The following GNAZ variants were observed in gnomAD, a reference collection of about 807,000 sequenced individuals.
GNAZ encodes guanine nucleotide-binding protein G(z) subunit alpha.
GNAZ carries 3 observed loss-of-function variants against 25.4 expected under a neutral mutation model. That is an observed-to-expected ratio of 0.12 (90% CI 0.05 to 0.30). The LOEUF is 0.30. Among genes scored for constraint, GNAZ ranks in the 10% least tolerant of loss-of-function variants. GNAZ has a pLI of 1.00. For synonymous variants in GNAZ, 211 were observed against 205.7 expected (o/e 1.03, Z -0.22); for missense variants, 241 against 501.8 (o/e 0.48, Z 4.97).
chr22:23,076,430 C>G (rs762087592), intron 1 of GNAZ, among the ~76,000 whole-genome samples: 1 of 152,156 alleles, frequency 6.6e-6, no homozygotes. Context: ...TGTGCTCGTG[C>G]GCTGCAGAAC....
At chr22:23,086,959 T>C (rs768629789) in intron 1 of GNAZ, among the ~76,000 whole-genome samples, 3 of 151,960 alleles carry the variant, frequency 2.0e-5, no homozygotes, top group East Asian at 1.9e-4. Flanking sequence ...GGACAGGGAG[T>C]GTGCAGCTTG....
intron 2 of GNAZ, among the ~76,000 whole-genome samples, chr22:23,111,041 A>T (rs2146361959): frequency 6.6e-6 from 1 of 152,292 alleles, no homozygotes; most frequent in East Asian, 1.9e-4. Flanking sequence ...GTAGGATAGC[A>T]CTGGGATTCC....
At chr22:23,085,349 A>G (rs931450339) in intron 1 of GNAZ, among the ~76,000 whole-genome samples, 42 of 151,908 alleles carry the variant, frequency 2.8e-4, no homozygotes, top group African/African-American at 9.9e-4. Flanking sequence ...CTTGTTCCCC[A>G]CCATGTCCCC....
At chr22:23,086,333 C>T (rs946354462) in intron 1 of GNAZ, among the ~76,000 whole-genome samples, 4 of 152,202 alleles carry the variant, frequency 2.6e-5, no homozygotes, top group Admixed American at 6.5e-5. Flanking sequence ...TTGATTTCTA[C>T]AGCCGTAAAG....
intron 1 of GNAZ, among the ~76,000 whole-genome samples, chr22:23,093,078 C>A (rs1378881021): frequency 6.6e-6 from 1 of 152,254 alleles, no homozygotes; most frequent in Admixed American, 6.5e-5. Context: ...CTCCATCCTC[C>A]ATGCGCTCAT....
intron 2 of GNAZ, among the ~76,000 whole-genome samples, chr22:23,116,046 C>T (rs995530957): frequency 7.9e-5 from 12 of 152,376 alleles, no homozygotes; most frequent in Admixed American, 2.0e-4. Flanking sequence ...CCACAGCAAA[C>T]AACAAAACAG....
intron 1 of GNAZ, among the ~76,000 whole-genome samples, chr22:23,089,326 G>C (rs1008570950): frequency 3.3e-5 from 5 of 152,184 alleles, no homozygotes; most frequent in Non-Finnish European, 7.4e-5. Flanking sequence ...AGGAGGCCTT[G>C]AGCAAAGCTT....
At chr22:23,089,059 C>A (rs866997310) in intron 1 of GNAZ, among the ~76,000 whole-genome samples, 22 of 152,192 alleles carry the variant, frequency 1.4e-4, no homozygotes, top group African/African-American at 5.1e-4. Context: ...GTCGCCCAAG[C>A]TCAGCATGGG....
At chr22:23,114,509 T>C (rs2267001) in intron 2 of GNAZ, among the ~76,000 whole-genome samples, 86,574 of 151,392 alleles carry the variant, frequency 0.57, 25,090 homozygotes, top group African/African-American at 0.65. Context: ...CGTCCTGCTC[T>C]TGTATTACCC....
chr22:23,114,676 G>T (rs933638152), intron 2 of GNAZ, among the ~76,000 whole-genome samples: 6 of 152,256 alleles, frequency 3.9e-5, no homozygotes, highest in Non-Finnish European at 8.8e-5. Context: ...CCTCACGAGG[G>T]AAGTATGCTT....
intron 1 of GNAZ, among the ~76,000 whole-genome samples, chr22:23,089,275 C>T (rs895119342): frequency 6.6e-6 from 1 of 152,208 alleles, no homozygotes; most frequent in African/African-American, 2.4e-5. Flanking sequence ...TCTTCTGCCT[C>T]AGCCGGGGGC....
chr22:23,088,802 G>A (rs764858035), intron 1 of GNAZ, among the ~76,000 whole-genome samples: 4 of 152,172 alleles, frequency 2.6e-5, no homozygotes, highest in African/African-American at 4.8e-5. Context: ...GGGCATTAGG[G>A]GTGTGGCCTT....
At chr22:23,083,046 G>A (rs943037875) in intron 1 of GNAZ, among the ~76,000 whole-genome samples, 1 of 152,170 alleles carries the variant, frequency 6.6e-6, no homozygotes, top group African/African-American at 2.4e-5. Context: ...CAGGGAAGTT[G>A]GGAGAGTGAA....
intron 1 of GNAZ, among the ~76,000 whole-genome samples, chr22:23,088,710 C>A (rs547030565): frequency 6.6e-6 from 1 of 152,318 alleles, no homozygotes; most frequent in East Asian, 1.9e-4. Flanking sequence ...ACAGTGGACA[C>A]CACTGGTCCC....
At chr22:23,114,006 A>T (rs1377109757) in intron 2 of GNAZ, among the ~76,000 whole-genome samples, 1 of 152,190 alleles carries the variant, frequency 6.6e-6, no homozygotes, top group African/African-American at 2.4e-5. Flanking sequence ...CCACAAAGGG[A>T]GGCCCAGAGG....
At chr22:23,078,107 G>A (rs552492509) in intron 1 of GNAZ, among the ~76,000 whole-genome samples, 1 of 152,192 alleles carries the variant, frequency 6.6e-6, no homozygotes, top group African/African-American at 2.4e-5. Context: ...TGGTGAGGGC[G>A]GGTGCGGGTG....
At chr22:23,093,857 C>T (rs2069052585) in intron 1 of GNAZ, among the ~76,000 whole-genome samples, 1 of 152,150 alleles carries the variant, frequency 6.6e-6, no homozygotes, top group Non-Finnish European at 1.5e-5. Context: ...AGGCCACCAC[C>T]ACTGCCAGGA....
rs1047369492 is a variant in GNAZ at position 23,089,638 on chromosome 22, G to A, written c.-449-5609G>A. Among the ~76,000 whole-genome samples the A allele has an allele frequency of 4.6e-5, 7 of 152,268 alleles. 1 individual carries two copies. The East Asian group carries it at 9.7e-4, about 21-fold the overall frequency. ...ACAGGAACAGACTTGAGAGGGCCAC[G>A]TCTGGAAGGAGGGTGATGAGGGCAG... On this transcript the variant is annotated intron_variant, in intron 1 of 2. Transcript: ENST00000615612.
At chr22:23,084,715 C>T (rs564220508) in intron 1 of GNAZ, among the ~76,000 whole-genome samples, 79 of 152,362 alleles carry the variant, frequency 5.2e-4, no homozygotes, top group Non-Finnish European at 9.4e-4. Flanking sequence ...CCGCCCTTCA[C>T]TACCCCAAGG....
Sources: gnomAD v4.1 joint callset for allele counts (sites outside exome capture counted in the v4.1 genomes callset) on GRCh38, gnomAD v4.1.1 for gene constraint, MANE v1.5 for transcripts, NCBI Gene and HGNC (gene_info 2026-07-23, HGNC 2026-07-21) for gene names.